Variants in DAP observed in about 807,000 individuals in gnomAD.
DAP encodes the protein death-associated protein 1.
A neutral mutation model predicts 13.8 loss-of-function variants in DAP; 8 were observed. The ratio of observed to expected loss-of-function variants is 0.58; its 90% CI spans 0.34 to 1.05. The LOEUF is 1.05. Ranked by LOEUF, DAP falls within the 50% of genes least tolerant of loss-of-function variation. The pLI is 0.03. For synonymous variants in DAP, 47 were observed against 47.5 expected (o/e 0.99, Z 0.04); for missense variants, 106 against 133.2 (o/e 0.80, Z 1.01).
intron 2 of DAP, among the ~76,000 whole-genome samples, chr5:10,742,119 C>G (rs1284806967): frequency 6.6e-6 from 1 of 150,712 alleles, no homozygotes; most frequent in East Asian, 1.9e-4. Flanking sequence ...TACCTCCTTT[C>G]TTATACATTA....
chr5:10,710,453 A>G (rs1561016668), intron 2 of DAP, among the ~76,000 whole-genome samples: 1 of 152,372 alleles, frequency 6.6e-6, no homozygotes, highest in Admixed American at 6.5e-5. Flanking sequence ...CACAGCCCCA[A>G]TACGGACAGA....
chr5:10,713,258 G>C (rs1738896875), intron 2 of DAP, among the ~76,000 whole-genome samples: 1 of 152,216 alleles, frequency 6.6e-6, no homozygotes, highest in Admixed American at 6.5e-5. Flanking sequence ...CAACTGACTA[G>C]GGCAAGACTG....
At chr5:10,732,758 G>A (rs2964792) in intron 2 of DAP, among the ~76,000 whole-genome samples, 39,050 of 152,148 alleles carry the variant, frequency 0.26, 5,195 homozygotes, top group Middle Eastern at 0.38. Flanking sequence ...GCTTACCACA[G>A]CAGCAAGGGC....
intron 2 of DAP, among the ~76,000 whole-genome samples, chr5:10,704,111 A>G (rs560147034): frequency 2.0e-4 from 31 of 152,288 alleles, no homozygotes; most frequent in Admixed American, 1.1e-3. Flanking sequence ...ATAGTCCCTG[A>G]TCTCTTTTAC....
At chr5:10,745,117 T>C (rs907306590) in intron 2 of DAP, among the ~76,000 whole-genome samples, 3 of 152,342 alleles carry the variant, frequency 2.0e-5, no homozygotes, top group Non-Finnish European at 1.5e-5. Context: ...TGATTGATTA[T>C]GATTATTCAA....
chr5:10,746,028 A>C (rs1294006195), intron 2 of DAP, among the ~76,000 whole-genome samples: 2 of 152,228 alleles, frequency 1.3e-5, no homozygotes, highest in African/African-American at 4.8e-5. Context: ...AAAATTATCT[A>C]ATTCGGTTTG....
chr5:10,749,578 T>A (rs540199255), intron 1 of DAP, among the ~76,000 whole-genome samples: 3 of 152,162 alleles, frequency 2.0e-5, no homozygotes, highest in Admixed American at 2.0e-4. Flanking sequence ...TTGTAAGGGG[T>A]CGGGTAATCT....
chr5:10,758,939 C>T (rs946098738), intron 1 of DAP, among the ~76,000 whole-genome samples: 11 of 152,200 alleles, frequency 7.2e-5, no homozygotes, highest in African/African-American at 2.7e-4. Flanking sequence ...TCCATATGGG[C>T]ACTTTGGAAG....
intron 2 of DAP, among the ~76,000 whole-genome samples, chr5:10,691,574 G>C (rs1020144183): frequency 2.0e-5 from 3 of 152,168 alleles, no homozygotes; most frequent in Non-Finnish European, 4.4e-5. Flanking sequence ...AAGTATGATA[G>C]CTGCTTTGAG....
intron 2 of DAP, among the ~76,000 whole-genome samples, chr5:10,712,182 GACGGCCATCT>G (rs374460126): frequency 5.9e-5 from 9 of 152,168 alleles, no homozygotes; most frequent in Admixed American, 2.0e-4. Flanking sequence ...ACAGGGAGAA[GACGGCCATCT>G]ACAAGCCAAT....
At chr5:10,753,489 T>G (rs1740096621) in intron 1 of DAP, among the ~76,000 whole-genome samples, 1 of 151,170 alleles carries the variant, frequency 6.6e-6, no homozygotes, top group African/African-American at 2.4e-5. Context: ...GGAAGGGGAG[T>G]GGAGGAAGCT....
chr5:10,698,673 T>C (rs2126643712), intron 2 of DAP, among the ~76,000 whole-genome samples: 1 of 152,356 alleles, frequency 6.6e-6, no homozygotes, highest in Admixed American at 6.5e-5. Flanking sequence ...TATTAGTTGG[T>C]TTCATTCATT....
chr5:10,683,645 T>G, intron 2 of DAP, 74 bp from the exon 3 acceptor site: 1 of 1,437,556 alleles, frequency 7.0e-7, no homozygotes, highest in Non-Finnish European at 9.8e-7. Context: ...AGACGATGTG[T>G]ATGTGGATGA....
intron 2 of DAP, among the ~76,000 whole-genome samples, chr5:10,727,674 G>A (rs1561024462): frequency 6.6e-6 from 1 of 152,180 alleles, no homozygotes; most frequent in Non-Finnish European, 1.5e-5. Flanking sequence ...TTTGAGGGAC[G>A]AAAATGGTGT....
At chr5:10,719,629 T>C (rs968012704) in intron 2 of DAP, among the ~76,000 whole-genome samples, 10 of 152,226 alleles carry the variant, frequency 6.6e-5, no homozygotes, top group African/African-American at 2.4e-4. Flanking sequence ...CTGACCCATC[T>C]ATCCATAAAG....
chr5:10,737,578 G>A (rs1022555295), intron 2 of DAP, among the ~76,000 whole-genome samples: 1 of 152,174 alleles, frequency 6.6e-6, no homozygotes, highest in African/African-American at 2.4e-5. Flanking sequence ...GTTCAAACAT[G>A]CAGATCATGG....
chr5:10,713,629 C>T (rs1354904402), intron 2 of DAP, among the ~76,000 whole-genome samples: 1 of 152,212 alleles, frequency 6.6e-6, no homozygotes, highest in African/African-American at 2.4e-5. Context: ...AGCTGGTACT[C>T]AAACCCAAGT....
intron 2 of DAP, among the ~76,000 whole-genome samples, chr5:10,714,304 T>C (rs1004437109): frequency 1.3e-5 from 2 of 152,192 alleles, no homozygotes. Context: ...GCATCAGCAG[T>C]GCCTGTAATT....
chr5:10,722,577 CAT>C (rs1207672031), intron 2 of DAP, among the ~76,000 whole-genome samples: 5 of 144,396 alleles, frequency 3.5e-5, no homozygotes, highest in African/African-American at 5.2e-5. Context: ...TACATACATA[CAT>C]ATATATACAT....
Sources: allele counts gnomAD v4.1 joint callset (sites outside exome capture counted in the v4.1 genomes callset), GRCh38; gene constraint gnomAD v4.1.1; transcripts MANE v1.5; gene names NCBI Gene and HGNC (gene_info 2026-07-23, HGNC 2026-07-21).